The following MACROD2 variants were observed in gnomAD, a reference collection of about 807,000 sequenced individuals.
MACROD2 encodes mono-ADP ribosylhydrolase 2.
A neutral mutation model predicts 70.4 loss-of-function variants in MACROD2; 36 were observed. That is an observed-to-expected ratio of 0.51 (90% confidence interval 0.39 to 0.68). The LOEUF is 0.68. Ranked by LOEUF, MACROD2 falls within the 30% of genes least tolerant of loss-of-function variation. The probability of loss-of-function intolerance (pLI) is 0.00; values close to 1 mark genes in which losing one functional copy is unlikely to be tolerated. For missense variants in MACROD2, 496 were observed against 538.4 expected (o/e 0.92, Z 0.78); for synonymous variants, 172 against 178.8 (o/e 0.96, Z 0.30).
intron 8 of MACROD2, among the ~76,000 whole-genome samples, chr20:15,663,904 A>G (rs978409688): frequency 2.6e-5 from 4 of 152,196 alleles, no homozygotes; most frequent in African/African-American, 4.8e-5. Flanking sequence ...TGTTGCTTCT[A>G]TGTGAGCTGA....
intron 2 of MACROD2, among the ~76,000 whole-genome samples, chr20:14,004,212 T>A (rs1016507586): frequency 3.3e-5 from 5 of 152,236 alleles, no homozygotes; most frequent in Admixed American, 3.3e-4. Context: ...TTAGGACTAC[T>A]CAACCTGTAG....
intron 6 of MACROD2, among the ~76,000 whole-genome samples, chr20:15,367,564 T>G (rs1460757625): frequency 2.0e-5 from 3 of 152,214 alleles, no homozygotes; most frequent in African/African-American, 7.2e-5. Context: ...TGATGTACTC[T>G]TCAAAGATTT....
intron 5 of MACROD2, among the ~76,000 whole-genome samples, chr20:15,006,844 C>T (rs2075041889): frequency 6.6e-6 from 1 of 152,182 alleles, no homozygotes; most frequent in African/African-American, 2.4e-5. Context: ...ACTTCACTCC[C>T]ACCAACTGAG....
rs940049161 is a variant in MACROD2, at chr20:14,879,102, G to A, written c.418+194143G>A. On this transcript the variant is annotated intron_variant, in intron 5 of 17. Transcript: ENST00000684519. ...TACTGACAAATGGACTGTGAGCTCC[G>A]TATTTTTTATCTTCACCCTTATGCA... 3.9e-5 allele frequency among the ~76,000 whole-genome samples: 6 copies of A among 152,000 alleles called. 2 individuals are homozygous for A. In the South Asian group the frequency reaches 6.2e-4, roughly 16 times the overall value.
intron 6 of MACROD2, among the ~76,000 whole-genome samples, chr20:15,282,705 A>C (rs561678745): frequency 1.2e-4 from 18 of 152,296 alleles, no homozygotes; most frequent in African/African-American, 3.8e-4. Flanking sequence ...ACAAGTCTCT[A>C]GGAAGTTTCA....
intron 8 of MACROD2, among the ~76,000 whole-genome samples, chr20:15,707,609 C>T (rs562059994): frequency 2.0e-4 from 30 of 152,172 alleles, no homozygotes; most frequent in African/African-American, 5.5e-4. Context: ...CATGGGGAAA[C>T]CCCGTCTCTA....
intron 3 of MACROD2, among the ~76,000 whole-genome samples, chr20:14,475,232 CA>C (rs1177392623): frequency 6.6e-6 from 1 of 151,988 alleles, no homozygotes; most frequent in East Asian, 1.9e-4. Flanking sequence ...AAGAATCACA[CA>C]AAAAACCCCA....
At chr20:15,126,555 A>G (rs2076068610) in intron 5 of MACROD2, among the ~76,000 whole-genome samples, 1 of 152,156 alleles carries the variant, frequency 6.6e-6, no homozygotes, top group Non-Finnish European at 1.5e-5. Flanking sequence ...ATTGAGCACT[A>G]TTTAAAAATG....
At chr20:14,970,547 GA>G (rs1473566926) in intron 5 of MACROD2, among the ~76,000 whole-genome samples, 1 of 152,084 alleles carries the variant, frequency 6.6e-6, no homozygotes, top group Non-Finnish European at 1.5e-5. Flanking sequence ...CAGAAAAAGT[GA>G]TTGGTTTGTA....
At chr20:15,193,657 G>T (rs1407435149) in intron 5 of MACROD2, among the ~76,000 whole-genome samples, 4 of 151,912 alleles carry the variant, frequency 2.6e-5, no homozygotes, top group Non-Finnish European at 5.9e-5. Context: ...AGGAAAGAAA[G>T]AAAGAAATGG....
At chr20:14,244,096 AG>A (rs1375113955) in intron 3 of MACROD2, among the ~76,000 whole-genome samples, 1 of 152,216 alleles carries the variant, frequency 6.6e-6, no homozygotes, top group African/African-American at 2.4e-5. Context: ...AGTGCATTTT[AG>A]GTGCCAGCTC....
At chr20:14,577,706 C>T (rs951738702) in intron 4 of MACROD2, among the ~76,000 whole-genome samples, 2 of 151,814 alleles carry the variant, frequency 1.3e-5, no homozygotes, top group African/African-American at 4.8e-5. Context: ...CACTTGAGCC[C>T]AGAAATTCAA....
intron 7 of MACROD2, among the ~76,000 whole-genome samples, chr20:15,469,071 G>A (rs551603191): frequency 6.6e-6 from 1 of 152,260 alleles, no homozygotes; most frequent in East Asian, 1.9e-4. Context: ...AAAGCCAATT[G>A]CTGACAACCA....
intron 3 of MACROD2, among the ~76,000 whole-genome samples, chr20:14,176,642 C>T (rs1049639722): frequency 6.6e-6 from 1 of 152,076 alleles, no homozygotes; most frequent in African/African-American, 2.4e-5. Flanking sequence ...TTCAGTTTTT[C>T]CTGTTAAACC....
intron 3 of MACROD2, among the ~76,000 whole-genome samples, chr20:14,429,721 T>A (rs763684815): frequency 3.3e-5 from 5 of 152,180 alleles, no homozygotes; most frequent in Admixed American, 1.3e-4. Context: ...TGCTTGGCTA[T>A]GCTGCAGTTT....
intron 8 of MACROD2, among the ~76,000 whole-genome samples, chr20:15,657,893 T>C (rs950218784): frequency 1.3e-5 from 2 of 152,190 alleles, no homozygotes; most frequent in Admixed American, 6.5e-5. Context: ...CTTGTGAGGC[T>C]GAGGCAGGAG....
chr20:15,870,226 T>C (rs1247861793), intron 9 of MACROD2, among the ~76,000 whole-genome samples: 1 of 105,372 alleles, frequency 9.5e-6, no homozygotes, highest in Non-Finnish European at 2.1e-5. Context: ...GCAGCTTTAG[T>C]TGGGTTTTAT....
At chr20:15,271,926 C>T (rs2077349784) in intron 6 of MACROD2, among the ~76,000 whole-genome samples, 1 of 152,176 alleles carries the variant, frequency 6.6e-6, no homozygotes, top group South Asian at 2.1e-4. Flanking sequence ...TTCTAGATTT[C>T]AAAGTGGAGA....
At chr20:14,917,223 C>T (rs1270258644) in intron 5 of MACROD2, among the ~76,000 whole-genome samples, 1 of 150,458 alleles carries the variant, frequency 6.6e-6, no homozygotes, top group African/African-American at 2.5e-5. Flanking sequence ...AGAACCCCTC[C>T]CAGCGGAGGC....
Sources: gnomAD v4.1 joint callset for allele counts (sites outside exome capture counted in the v4.1 genomes callset) on GRCh38, gnomAD v4.1.1 for gene constraint, MANE v1.5 for transcripts, NCBI Gene and HGNC (gene_info 2026-07-23, HGNC 2026-07-21) for gene names.